The following ADGRA2 variants were observed in gnomAD, a reference collection of about 807,000 sequenced individuals.
ADGRA2 encodes adhesion G protein-coupled receptor A2.
ADGRA2 carries 61 observed loss-of-function variants against 98.7 expected under a neutral mutation model. The observed-to-expected ratio is 0.62, with a 90% CI of 0.50 to 0.76. The LOEUF is 0.76. ADGRA2 is among the 30% of genes least tolerant of loss of function. The pLI, the probability that ADGRA2 is intolerant of heterozygous loss-of-function variation, is 0.00. For synonymous variants in ADGRA2, 858 were observed against 831.5 expected, an observed-to-expected ratio of 1.03 and a Z score of -0.55; for missense variants, 1,712 against 1,860.0, an observed-to-expected ratio of 0.92 and a Z score of 1.46.
chr8:37,811,168 G>GTT (rs762992936), intron 1 of ADGRA2, among the ~76,000 whole-genome samples: 2,950 of 101,648 alleles, frequency 0.029, 132 homozygotes, highest in African/African-American at 0.059. Context: ...GTGTGTGTGT[G>GTT]TTTTTTTTTT....
chr8:37,813,596 G>C (rs967011089), intron 1 of ADGRA2, among the ~76,000 whole-genome samples: 8 of 152,122 alleles, frequency 5.3e-5, no homozygotes, highest in Non-Finnish European at 8.8e-5. Flanking sequence ...TGTCACCACT[G>C]GGGGGACCAT....
rs914891204 is a variant in ADGRA2, at chr8:37,830,891, G to A, written c.900G>A (p.Glu300=). Residue 300 remains glutamate, a synonymous_variant, in exon 7 of 19, where the codon GAG becomes GAA. Transcript: ENST00000412232. The surrounding 1 kb of genome is among the most constrained non-coding windows in gnomAD (Gnocchi z 4.8). ...GDEQAGILLA[E]SLIHDCTFIT... ...AGCAGGCGGGCATCCTCCTGGCCGA[G>A]AGCCTCATCCACGACTGCACCTTCA... 7.6e-6 allele frequency: 12 copies of A among 1,587,318 alleles called. No individual in the cohort carries two copies. In the Admixed American group the frequency reaches 1.2e-4, roughly 16 times the overall value.
At chr8:37,818,835 A>G (rs964524612) in intron 2 of ADGRA2, among the ~76,000 whole-genome samples, 3 of 152,172 alleles carry the variant, frequency 2.0e-5, no homozygotes, top group Admixed American at 6.6e-5. Context: ...CAGGGGTGCT[A>G]TTTTATGTAG....
At chr8:37,822,822 A>G (rs1195717859) in intron 2 of ADGRA2, among the ~76,000 whole-genome samples, 1 of 152,152 alleles carries the variant, frequency 6.6e-6, no homozygotes, top group Non-Finnish European at 1.5e-5. Flanking sequence ...ATGGCCAGAT[A>G]ATATTCCATT....
At chr8:37,799,050 G>A (rs992344017) in intron 1 of ADGRA2, among the ~76,000 whole-genome samples, 1 of 152,168 alleles carries the variant, frequency 6.6e-6, no homozygotes, top group African/African-American at 2.4e-5. Context: ...CGGAACAGTC[G>A]GTAGCGTCTG....
Position 37,841,639 on chromosome 8 carries a change from G to A in ADGRA2, c.3301G>A (p.Ala1101Thr). 6.6e-7 allele frequency: 1 copy of A among 1,524,512 alleles called. No individual in the cohort carries two copies. The highest frequency in any genetic ancestry group is 1.4e-5 in the African/African-American group (1 of 73,054). The allele number at this position is 1,524,512 out of a possible 1,614,324, so 94.4% of individuals were successfully genotyped here. A position where few individuals can be genotyped will look rare whatever the true frequency, so the allele number is the denominator to read the frequency against. The change falls in exon 19 of 19, where the codon GCC becomes ACC. Residue 1101 changes from alanine to threonine, a missense_variant. Ala to Thr is a moderately conservative substitution (Grantham distance 58, BLOSUM62 0). Coordinates refer to ENST00000412232, the MANE Select transcript of ADGRA2 (RefSeq NM_032777.10). The surrounding 1 kb of genome is among the most constrained non-coding windows in gnomAD (Gnocchi z 5.0). ...APHAPPRALPAAAEDGSPVFG... is the reference protein window; with the variant it reads ...APHAPPRALPTAAEDGSPVFG... ...CCATGCCCCGCCCCGGGCCCTGCCCGCCGCCGCAGAGGACGGTTCCCCGGT... is the reference window on the plus strand; with the variant it reads ...CCATGCCCCGCCCCGGGCCCTGCCCACCGCCGCAGAGGACGGTTCCCCGGT...
intron 2 of ADGRA2, among the ~76,000 whole-genome samples, chr8:37,815,276 C>T (rs1804945830): frequency 6.6e-6 from 1 of 152,252 alleles, no homozygotes; most frequent in African/African-American, 2.4e-5. Flanking sequence ...CTCGACTGGC[C>T]TCCCCCTCGC....
intron 1 of ADGRA2, among the ~76,000 whole-genome samples, chr8:37,813,758 C>T (rs186497777): frequency 6.6e-4 from 100 of 152,370 alleles, no homozygotes; most frequent in African/African-American, 2.3e-3. Flanking sequence ...ACTGTCTTCT[C>T]CACGAGCCAA....
At chr8:37,827,746 A>G (rs1207071519) in intron 2 of ADGRA2, among the ~76,000 whole-genome samples, 1 of 152,176 alleles carries the variant, frequency 6.6e-6, no homozygotes, top group Non-Finnish European at 1.5e-5. Flanking sequence ...CCTGGAGAGG[A>G]GCCAGGCAGA....
At chr8:37,806,161 C>T (rs1804653075) in intron 1 of ADGRA2, among the ~76,000 whole-genome samples, 1 of 152,172 alleles carries the variant, frequency 6.6e-6, no homozygotes, top group Non-Finnish European at 1.5e-5. Context: ...GATGAACATT[C>T]CATCCTGTTG....
intron 1 of ADGRA2, among the ~76,000 whole-genome samples, chr8:37,799,147 C>G (rs567439639): frequency 7.2e-5 from 11 of 152,216 alleles, no homozygotes; most frequent in African/African-American, 2.4e-4. Context: ...GAGGCAGAGG[C>G]GGGTGGATCA....
At chr8:37,812,260 G>T (rs114134715) in intron 1 of ADGRA2, among the ~76,000 whole-genome samples, 1,869 of 152,240 alleles carry the variant, frequency 0.012, 33 homozygotes, top group African/African-American at 0.043. Context: ...GAAAATGTGA[G>T]GAATCACCCC....
At position 37,835,301 on chromosome 8, in the gene ADGRA2, AC is replaced by A; in HGVS notation, c.1742del (p.Pro581HisfsTer111). The A allele has an allele frequency of 6.2e-7, 1 of 1,613,288 alleles. No individual in the cohort carries two copies. Among genetic ancestry groups the A allele is most frequent in the Non-Finnish European group, 8.5e-7 (1 of 1,179,838 alleles). ...ACACGGCCAGGAAGCCCTGGCCAGA[AC>A]CCCCCACCTGAGCCCGAGCCCCCAG... ...PGTRPGSPGQ[N>X]PPPEPEPPAD... is the part of the protein sequence containing the mutation. On this transcript the variant is annotated frameshift_variant, in exon 12 of 19. Transcript: ENST00000412232. LOFTEE classifies it high-confidence loss of function.
At chr8:37,801,392 A>G (rs1251145589) in intron 1 of ADGRA2, among the ~76,000 whole-genome samples, 4 of 152,114 alleles carry the variant, frequency 2.6e-5, no homozygotes. Context: ...CCCCAGGGAA[A>G]AGGTCCCACG....
rs1004177630 is a variant in ADGRA2 at position 37,830,988 on chromosome 8, C to G, written c.932+65C>G. The G allele has an allele frequency of 8.1e-7, 1 of 1,230,882 alleles. No homozygotes were observed. Among genetic ancestry groups the G allele is most frequent in the Non-Finnish European group, 1.2e-6 (1 of 869,284 alleles). The allele number at this position is 1,230,882 out of a possible 1,614,324, so 76.2% of individuals were successfully genotyped here. A position where few individuals can be genotyped will look rare whatever the true frequency, so the allele number is the denominator to read the frequency against. On this transcript the variant is annotated intron_variant, in intron 7 of 18. Coordinates refer to ENST00000412232, the MANE Select transcript of ADGRA2 (RefSeq NM_032777.10). The surrounding 1 kb of genome is among the most constrained non-coding windows in gnomAD (Gnocchi z 4.8). The stretch of plus-strand genomic sequence containing the variant: ...GTTAGGGGACCTACCCTACCCGTCA[C>G]CACCCCGCAAAAGAGCTGCCCCCAG...
intron 9 of ADGRA2, 55 bp from the exon 10 acceptor site, chr8:37,833,633 G>C (rs1805521428): frequency 6.3e-7 from 1 of 1,589,980 alleles, no homozygotes; most frequent in Non-Finnish European, 8.6e-7. Flanking sequence ...CCCAGGGGCA[G>C]TTCGGGGGCA....
chr8:37,829,197 C>T, intron 3 of ADGRA2, 64 bp from the exon 4 acceptor site: 1 of 1,231,154 alleles, frequency 8.1e-7, no homozygotes. Flanking sequence ...CCCATGTGTT[C>T]CTCACAAGTG....
At position 37,842,616 on chromosome 8, in the gene ADGRA2, C is replaced by A; in HGVS notation, c.*261C>A. The stretch of plus-strand genomic sequence containing the variant: ...GGTGCCCTCCCAGGAACGGGGAAGG[C>A]CTCCGTCTGTGTGAAAGGGCACAGC... On this transcript the variant is annotated 3_prime_UTR_variant, in exon 19 of 19. Transcript: ENST00000412232. The A allele has an allele frequency of 4.3e-6, 2 of 467,202 alleles. No individual in the cohort carries two copies. Among genetic ancestry groups the A allele is most frequent in the Non-Finnish European group, 7.0e-6 (2 of 286,680 alleles). The allele number at this position is 467,202 out of a possible 1,614,324, so 28.9% of individuals were successfully genotyped here. A position where few individuals can be genotyped will look rare whatever the true frequency, so the allele number is the denominator to read the frequency against.
At chr8:37,840,737 C>G in intron 17 of ADGRA2, 23 bp from the exon 18 acceptor site, 2 of 1,326,076 alleles carry the variant, frequency 1.5e-6, no homozygotes, top group Non-Finnish European at 2.2e-6. Context: ...TCTCTGGGAC[C>G]CCCAATCCCT....
Sources: gnomAD v4.1 joint callset for allele counts (sites outside exome capture counted in the v4.1 genomes callset) on GRCh38, gnomAD v4.1.1 for gene constraint, Gnocchi (gnomAD v3.1) non-coding constraint, MANE v1.5 for transcripts, NCBI Gene and HGNC (gene_info 2026-07-23, HGNC 2026-07-21) for gene names.